The following LAMB2 variants were observed in gnomAD, a reference collection of about 807,000 sequenced individuals.
LAMB2 encodes the protein laminin subunit beta 2.
In LAMB2, 119 loss-of-function variants were observed where a neutral mutation model predicts 202.7. The observed-to-expected ratio is 0.59, with a 90% confidence interval of 0.51 to 0.68. The LOEUF (loss-of-function observed/expected upper bound fraction) is 0.68, where lower values mean the gene tolerates loss of function less well. Among genes scored for constraint, LAMB2 ranks in the 30% least tolerant of loss-of-function variants. The pLI is 0.00. For synonymous variants in LAMB2, 818 were observed against 902.2 expected (o/e 0.91, Z 1.67); for missense variants, 2,124 against 2,410.6 (o/e 0.88, Z 2.49).
rs939681914 is a variant in LAMB2, at chr3:49,122,794, G to A, written c.4483C>T (p.Leu1495=). The part of the protein sequence containing the change: ...SEAQQRAQAA[L]DKANASRGQV... Reference sequence around the variant, plus strand: ...CCCCTGGAAGCATTAGCCTTGTCCAGGGCTGCCTGGGCCCGCTGCTGTGCC... The same window carrying A: ...CCCCTGGAAGCATTAGCCTTGTCCAAGGCTGCCTGGGCCCGCTGCTGTGCC... The change falls in exon 27 of 32, where the codon CTG becomes TTG. Residue 1495 remains leucine (L), a synonymous_variant. Coordinates refer to ENST00000305544, the MANE Select transcript of LAMB2 (RefSeq NM_002292.4). 3 of 1,613,806 alleles carry A rather than the reference G, an allele frequency of 1.9e-6. No homozygotes were observed. Among genetic ancestry groups the A allele is most frequent in the Middle Eastern group, 1.6e-4 (1 of 6,084 alleles).
chr3:49,121,518 C>A lies in LAMB2; in HGVS notation c.5175G>T (p.Leu1725=), dbSNP rs773743605. 17 of 1,614,004 alleles carry A rather than the reference C, an allele frequency of 1.1e-5. No homozygotes were observed. Among genetic ancestry groups the A allele is most frequent in the South Asian group, 3.3e-5 (3 of 91,096 alleles). ...ALAERKAQGV[L]AAQARAEQLR... ...GTTGTTCTGCCCTTGCCTGTGCAGC[C>A]AGCACACCTTGGGCCTTGCGCTCAG... Residue 1725 remains leucine (L), a synonymous_variant, in exon 31 of 32, where the codon CTG becomes CTT. Coordinates refer to ENST00000305544, the MANE Select transcript of LAMB2 (RefSeq NM_002292.4).
chr3:49,131,397 A>G lies in LAMB2; in HGVS notation c.694T>C (p.Tyr232His). 1 of 1,614,154 alleles carries G rather than the reference A, an allele frequency of 6.2e-7. No individual in the cohort carries two copies. Residue 232 changes from tyrosine (Y) to histidine (H), a missense_variant, in exon 6 of 32, where the codon TAC becomes CAC. Physicochemically the swap from Tyr to His is moderately conservative, Grantham distance 83. This residue lies in a region of LAMB2 where 256 missense variants were observed against 356.1 expected (regional missense o/e 0.72). Coordinates refer to ENST00000305544, the MANE Select transcript of LAMB2 (RefSeq NM_002292.4). This position sits in a 1 kb window ranked among gnomAD's most constrained non-coding sequence, Gnocchi z 5.0. ...CACTCACTCTGAATCCGTGAGCTGT[A>G]GGGGTCTGGGATAGGGATGGCAGGG... ...LDPAIPIPDP[Y>H]SSRIQNLLKI...
Position 49,123,152 on chromosome 3 carries a change from G to A in LAMB2, c.4204C>T (p.Leu1402=), listed in dbSNP as rs557403376. The A allele has an allele frequency of 6.2e-7, 1 of 1,613,080 alleles. No homozygotes were observed. The highest frequency in any genetic ancestry group is 8.5e-7 in the Non-Finnish European group (1 of 1,180,030). ...CTCACCAGCTCATTTATGTCTGTCA[G>A]GCTCAGGGTGTGGGTATGGGCAGAG... ...KLSAHTHTLS[L]TDINELVCGA... Residue 1402 remains leucine, a synonymous_variant, in exon 26 of 32, where the codon CTG becomes TTG. Coordinates refer to ENST00000305544, the MANE Select transcript of LAMB2 (RefSeq NM_002292.4).
chr3:49,131,236 C>T lies in LAMB2; in HGVS notation c.713-84G>A. 1 of 1,492,258 alleles carries T rather than the reference C, an allele frequency of 6.7e-7. No homozygotes were observed. The highest frequency in any genetic ancestry group is 1.1e-5 in the South Asian group (1 of 87,030). The allele number at this position is 1,492,258 out of a possible 1,614,324, so 92.4% of individuals were successfully genotyped here. A position where few individuals can be genotyped will look rare whatever the true frequency, so the allele number is the denominator to read the frequency against. ...CCAGGGGCTCAGCTGCCAAGGTCAC[C>T]TTGAAAGACCTCCTATACACTGCCA... On this transcript the variant is annotated intron_variant, in intron 6 of 31. Transcript: ENST00000305544. The surrounding 1 kb of genome is among the most constrained non-coding windows in gnomAD (Gnocchi z 5.0).
Position 49,124,255 on chromosome 3 carries a change from A to G in LAMB2, c.3359T>C (p.Phe1120Ser). Residue 1120 changes from phenylalanine to serine, a missense_variant, in exon 23 of 32, where the codon TTT becomes TCT. Phe to Ser is a radical substitution (Grantham distance 155). Coordinates refer to ENST00000305544, the MANE Select transcript of LAMB2 (RefSeq NM_002292.4). ...FTGQCHCRAG[F>S]GGRTCSECQE... ...GCACTCAGAACAAGTCCGCCCTCCA[A>G]AGCCGGCACGGCAGTGGCACTGCCC... 1 of 1,613,826 alleles carries G rather than the reference A, an allele frequency of 6.2e-7. No individual in the cohort carries two copies. The highest frequency in any genetic ancestry group is 8.5e-7 in the Non-Finnish European group (1 of 1,179,906).
At position 49,132,793 on chromosome 3, in the gene LAMB2, G is replaced by T; in HGVS notation, c.75C>A (p.Ser25Arg). 6.2e-7 allele frequency: 1 copy of T among 1,614,102 alleles called. No homozygotes were observed. The highest frequency in any genetic ancestry group is 8.5e-7 in the Non-Finnish European group (1 of 1,179,986). Reference protein sequence around the residue: ...PWELRLGLLLSVLAATLAQAP... With the variant: ...PWELRLGLLLRVLAATLAQAP... Reference sequence around the variant, plus strand: ...CCAGCCCCCACCAGGCCCTCTCACCGCTTAGCAGTAGGCCCAGTCGAAGTT... The same window carrying T: ...CCAGCCCCCACCAGGCCCTCTCACCTCTTAGCAGTAGGCCCAGTCGAAGTT... Residue 25 changes from serine to arginine, a missense_variant and splice_region_variant, in exon 1 of 32, where the codon AGC (serine) becomes AGA (arginine). Transcript: ENST00000305544. The surrounding 1 kb of genome is among the most constrained non-coding windows in gnomAD (Gnocchi z 4.6).
chr3:49,129,779 T>C lies in LAMB2; in HGVS notation c.1405+60A>G. On this transcript the variant is annotated intron_variant, in intron 10 of 31. Coordinates refer to ENST00000305544, the MANE Select transcript of LAMB2 (RefSeq NM_002292.4). The surrounding 1 kb of genome is among the most constrained non-coding windows in gnomAD (Gnocchi z 6.1). Reference sequence around the variant, plus strand: ...GTGGCAGTGCTCATGTTCAGCTGAGTCAGGAGTAAGAGGACAGGGGTTAAA... The same window carrying C: ...GTGGCAGTGCTCATGTTCAGCTGAGCCAGGAGTAAGAGGACAGGGGTTAAA... The C allele has an allele frequency of 6.2e-7, 1 of 1,610,258 alleles. No homozygotes were observed. The highest frequency in any genetic ancestry group is 8.5e-7 in the Non-Finnish European group (1 of 1,176,848).
rs1485534965 is a variant in LAMB2 at position 49,129,870 on chromosome 3, C to T, written c.1374G>A (p.Gly458=). 6.2e-7 allele frequency: 1 copy of T among 1,613,860 alleles called. No individual in the cohort carries two copies. The highest frequency in any genetic ancestry group is 1.1e-5 in the South Asian group (1 of 91,084). Residue 458 remains glycine (G), a synonymous_variant, in exon 10 of 32, where the codon GGG becomes GGA. Transcript: ENST00000305544. The surrounding 1 kb of genome is among the most constrained non-coding windows in gnomAD (Gnocchi z 6.1). ...RCQQCRDGFF[G]LSISDRLGCR... is the part of the protein sequence containing the mutation. ...AGCCCAGACGGTCACTGATGCTGAG[C>T]CCAAAGAAGCCATCACGGCATTGCT...
In LAMB2 at chr3:49,130,965, G is replaced by A. The variant is rs776149180; in HGVS notation, c.900C>T (p.Ala300=). The A allele has an allele frequency of 2.9e-5, 46 of 1,613,982 alleles. No individual in the cohort carries two copies. The highest frequency in any genetic ancestry group is 6.6e-5 in the South Asian group (6 of 91,086). ...SECAPAPGAP[A]HAEGMVHGAC... is the part of the protein sequence containing the mutation. ...AGCCCCTTACCATGCCCTCAGCATG[G>A]GCTGGTGCCCCTGGGGCGGGTGCAC... The change falls in exon 7 of 32, where the codon GCC becomes GCT. Residue 300 remains alanine (A), a synonymous_variant. Coordinates refer to ENST00000305544, the MANE Select transcript of LAMB2 (RefSeq NM_002292.4). The surrounding 1 kb of genome is among the most constrained non-coding windows in gnomAD (Gnocchi z 5.0).
At position 49,122,205 on chromosome 3, in the gene LAMB2, A is replaced by T. The variant is rs2045312415; in HGVS notation, c.4739T>A (p.Val1580Glu). 1.2e-6 allele frequency: 2 copies of T among 1,613,468 alleles called. No individual in the cohort carries two copies. The highest frequency in any genetic ancestry group is 2.2e-5 in the South Asian group (2 of 91,082). Residue 1580 changes from valine (V) to glutamate (E), a missense_variant, in exon 28 of 32, where the codon GTG (valine) becomes GAG (glutamate). By Grantham distance (121) the Val-to-Glu change is moderately radical (BLOSUM62 -2). Transcript: ENST00000305544. Reference sequence around the variant, plus strand: ...CTGCAGTAGCTGCTCGGCACGACGCACATCTCCTACAGTACGTGCCAGGAT... The same window carrying T: ...CTGCAGTAGCTGCTCGGCACGACGCTCATCTCCTACAGTACGTGCCAGGAT... ...DAILARTVGD[V>E]RRAEQLLQDA...
chr3:49,132,290 G>A lies in LAMB2; in HGVS notation c.365C>T (p.Ala122Val), dbSNP rs762755995. 26 of 1,614,248 alleles carry A rather than the reference G, an allele frequency of 1.6e-5. No individual in the cohort carries two copies. Among genetic ancestry groups the A allele is most frequent in the Non-Finnish European group, 2.2e-5 (26 of 1,180,042 alleles). The change falls in exon 3 of 32, where the codon GCC (alanine) becomes GTC (valine). Residue 122 changes from alanine (A) to valine (V), a missense_variant. Ala to Val is a moderately conservative substitution (Grantham distance 64, BLOSUM62 0). Around this residue, in one of 3 missense-constraint regions of LAMB2, gnomAD observed 166 missense variants for 158.2 expected, o/e 1.05. Coordinates refer to ENST00000305544, the MANE Select transcript of LAMB2 (RefSeq NM_002292.4). The surrounding 1 kb of genome is among the most constrained non-coding windows in gnomAD (Gnocchi z 4.6). ...VTSFAPQRRAAWWQSENGIPA... is the reference protein window; with the variant it reads ...VTSFAPQRRAVWWQSENGIPA... ...CTCACCATTCTCTGACTGCCACCAG[G>A]CTGCCCGCCGCTGTGGTGCAAAGCT...
At position 49,132,226 on chromosome 3, in the gene LAMB2, C is replaced by T. The variant is rs1231267364; in HGVS notation, c.386-37G>A. On this transcript the variant is annotated intron_variant, in intron 3 of 31. Transcript: ENST00000305544. The surrounding 1 kb of genome is among the most constrained non-coding windows in gnomAD (Gnocchi z 4.6). Reference sequence around the variant, plus strand: ...ATCGGAAGTCAAGGACTCAAAGCTACTGGTGGGCAGCCCTGCTCACTTTTG... The same window carrying T: ...ATCGGAAGTCAAGGACTCAAAGCTATTGGTGGGCAGCCCTGCTCACTTTTG... The T allele has an allele frequency of 1.2e-6, 2 of 1,614,212 alleles. No individual in the cohort carries two copies.
At position 49,130,250 on chromosome 3, in the gene LAMB2, C is replaced by T. The variant is rs201999373; in HGVS notation, c.1206G>A (p.Arg402=). The part of the protein sequence containing the change: ...FFYRDPTKDL[R]DPAVCRSCDC... ...CCTCACAGCGGCACACAGCCGGATC[C>T]CGCAGGTCCTTGGTTGGGTCACGGT... The change falls in exon 9 of 32, where the codon CGG becomes CGA. Residue 402 remains arginine (R), a synonymous_variant. Coordinates refer to ENST00000305544, the MANE Select transcript of LAMB2 (RefSeq NM_002292.4). This position sits in a 1 kb window ranked among gnomAD's most constrained non-coding sequence, Gnocchi z 5.0. 135 of 1,614,242 alleles carry T rather than the reference C, an allele frequency of 8.4e-5. 3 individuals are homozygous for T. The East Asian group carries it at 2.3e-3, about 27-fold the overall frequency.
chr3:49,130,649 T>C lies in LAMB2; in HGVS notation c.1036+91A>G, dbSNP rs2045470486. The C allele has an allele frequency of 6.3e-7, 1 of 1,591,352 alleles. No homozygotes were observed. Among genetic ancestry groups the C allele is most frequent in the Non-Finnish European group, 8.6e-7 (1 of 1,167,582 alleles). The stretch of plus-strand genomic sequence containing the variant: ...CATACTCTTTGGATACAGCCTGGGT[T>C]TTAGGGGCTTGACCAACTAGCTCTA... On this transcript the variant is annotated intron_variant, in intron 8 of 31. Transcript: ENST00000305544. The surrounding 1 kb of genome is among the most constrained non-coding windows in gnomAD (Gnocchi z 5.0).
Position 49,130,994 on chromosome 3 carries a change from C to CT in LAMB2, c.870dup (p.Glu291ArgfsTer13). The stretch of plus-strand genomic sequence containing the variant: ...GGTGCCCCTGGGGCGGGTGCACACT[C>CT]TGAGGCGTGTCCGTAGCAGAAGCAG... On this transcript the variant is annotated frameshift_variant, in exon 7 of 32. Transcript: ENST00000305544. LOFTEE classifies it high-confidence loss of function. The surrounding 1 kb of genome is among the most constrained non-coding windows in gnomAD (Gnocchi z 5.0). The CT allele has an allele frequency of 6.2e-7, 1 of 1,614,038 alleles. No homozygotes were observed. The highest frequency in any genetic ancestry group is 1.1e-5 in the South Asian group (1 of 91,084).
Position 49,130,242 on chromosome 3 carries a change from G to A in LAMB2, c.1214C>T (p.Ala405Val). The A allele has an allele frequency of 6.2e-6, 10 of 1,614,200 alleles. No individual in the cohort carries two copies. The highest frequency in any genetic ancestry group is 8.5e-6 in the Non-Finnish European group (10 of 1,180,048). Reference sequence around the variant, plus strand: ...AATCCCAGCCTCACAGCGGCACACAGCCGGATCCCGCAGGTCCTTGGTTGG... The same window carrying A: ...AATCCCAGCCTCACAGCGGCACACAACCGGATCCCGCAGGTCCTTGGTTGG... ...RDPTKDLRDP[A>V]VCRSCDCDPM... is the part of the protein sequence containing the mutation. Residue 405 changes from alanine to valine, a missense_variant, in exon 9 of 32, where the codon GCT becomes GTT. This residue lies in a region of LAMB2 where 1,702 missense variants were observed against 1,896.3 expected (regional missense o/e 0.90). Transcript: ENST00000305544. The surrounding 1 kb of genome is among the most constrained non-coding windows in gnomAD (Gnocchi z 5.0).
chr3:49,128,906 C>G (rs2045450889), intron 13 of LAMB2, 87 bp from the exon 14 acceptor site: 9 of 1,598,444 alleles, frequency 5.6e-6, no homozygotes, highest in Non-Finnish European at 6.8e-6. Context: ...TTTCTCCTGC[C>G]AAAGCTAGAT....
chr3:49,122,926 G>T lies in LAMB2; in HGVS notation c.4351C>A (p.Leu1451Ile), dbSNP rs1457704888. The change falls in exon 27 of 32, where the codon CTA (leucine) becomes ATA (isoleucine). Residue 1451 changes from leucine to isoleucine, a missense_variant. Coordinates refer to ENST00000305544, the MANE Select transcript of LAMB2 (RefSeq NM_002292.4). ...SCNGAAATAD[L>I]ALGRARHTQA... ...GTGTGCCGGGCCCGGCCCAGTGCTAGGTCTGCTGTAGCCGCTGCCCCATTG... is the reference window on the plus strand; with the variant it reads ...GTGTGCCGGGCCCGGCCCAGTGCTATGTCTGCTGTAGCCGCTGCCCCATTG... The T allele has an allele frequency of 6.2e-7, 1 of 1,608,940 alleles. No individual in the cohort carries two copies. The highest frequency in any genetic ancestry group is 1.7e-5 in the Admixed American group (1 of 59,998).
At position 49,125,069 on chromosome 3, in the gene LAMB2, T is replaced by C. The variant is rs778201233; in HGVS notation, c.2821A>G (p.Thr941Ala). The C allele has an allele frequency of 1.9e-6, 3 of 1,613,888 alleles. No individual in the cohort carries two copies. The highest frequency in any genetic ancestry group is 1.1e-5 in the South Asian group (1 of 91,082). The change falls in exon 20 of 32, where the codon ACT becomes GCT. Residue 941 changes from threonine (T) to alanine (A), a missense_variant. By Grantham distance (58) the Thr-to-Ala change is moderately conservative. Transcript: ENST00000305544. ...EGPGSQRHFATSCHQDEYSQQ... is the reference protein window; with the variant it reads ...EGPGSQRHFAASCHQDEYSQQ... ...GAATATTCATCCTGGTGGCAAGAAG[T>C]AGCAAAGTGCCGTTGGCTCCCAGGG...
Sources: allele counts gnomAD v4.1 joint callset, GRCh38; gene constraint gnomAD v4.1.1; regional missense constraint gnomAD v4.1.1; non-coding constraint Gnocchi (gnomAD v3.1); transcripts MANE v1.5; gene names NCBI Gene and HGNC (gene_info 2026-07-23, HGNC 2026-07-21).